CDH18: variants seen among roughly 807,000 people sequenced by gnomAD.
CDH18 encodes the protein cadherin-18.
Under a neutral mutation model 67.9 loss-of-function variants are expected in CDH18, and 31 were observed. The ratio of observed to expected loss-of-function variants is 0.46; its 90% CI spans 0.34 to 0.62. CDH18 has a LOEUF of 0.62. Among genes scored for constraint, CDH18 ranks in the 20% least tolerant of loss-of-function variants. The probability of loss-of-function intolerance (pLI) is 0.01; values close to 1 mark genes in which losing one functional copy is unlikely to be tolerated. For missense variants in CDH18, 890 were observed against 975.5 expected (o/e 0.91, Z 1.17); for synonymous variants, 362 against 347.2 (o/e 1.04, Z -0.48).
intron 4 of CDH18, among the ~76,000 whole-genome samples, chr5:19,736,679 G>A (rs887748089): frequency 6.6e-6 from 1 of 151,986 alleles, no homozygotes; most frequent in African/African-American, 2.4e-5. Flanking sequence ...TATCACATTT[G>A]GTTCTATGTG....
intron 2 of CDH18, among the ~76,000 whole-genome samples, chr5:20,118,083 G>C (rs1275367247): frequency 6.6e-6 from 1 of 152,014 alleles, no homozygotes; most frequent in Admixed American, 6.6e-5. Context: ...CAACTTCTTA[G>C]GAAGAATTAT....
intron 2 of CDH18, among the ~76,000 whole-genome samples, chr5:20,058,143 TG>T (rs1440451292): frequency 2.0e-5 from 3 of 152,124 alleles, no homozygotes; most frequent in African/African-American, 7.2e-5. Context: ...ATTAGTCAAA[TG>T]TCAGAGATTT....
chr5:20,392,040 G>A (rs1744907875), intron 1 of CDH18, among the ~76,000 whole-genome samples: 1 of 151,676 alleles, frequency 6.6e-6, no homozygotes, highest in Non-Finnish European at 1.5e-5. Context: ...AAATTGCAAT[G>A]GCAAAATTTA....
chr5:19,760,087 C>T (rs894184319), intron 3 of CDH18, among the ~76,000 whole-genome samples: 2 of 152,120 alleles, frequency 1.3e-5, no homozygotes, highest in Non-Finnish European at 1.5e-5. Context: ...TGCCACTTTG[C>T]GTCTGCTGTC....
chr5:19,680,656 A>T (rs1211818195), intron 5 of CDH18, among the ~76,000 whole-genome samples: 1 of 152,006 alleles, frequency 6.6e-6, no homozygotes, highest in Non-Finnish European at 1.5e-5. Flanking sequence ...CAACAAGCAT[A>T]TGAAAAAAAT....
intron 1 of CDH18, among the ~76,000 whole-genome samples, chr5:20,417,478 G>A (rs1413690622): frequency 6.6e-6 from 1 of 152,068 alleles, no homozygotes; most frequent in Non-Finnish European, 1.5e-5. Flanking sequence ...ATTTCCAATG[G>A]TCTGTTTCCA....
chr5:19,604,101 C>T (rs1412731006), intron 6 of CDH18, among the ~76,000 whole-genome samples: 2 of 152,016 alleles, frequency 1.3e-5, no homozygotes, highest in African/African-American at 4.8e-5. Context: ...GGAAGGAAGA[C>T]ATGGTGGGAA....
At chr5:19,710,910 A>T (rs932687244) in intron 5 of CDH18, among the ~76,000 whole-genome samples, 1 of 152,102 alleles carries the variant, frequency 6.6e-6, no homozygotes, top group Non-Finnish European at 1.5e-5. Flanking sequence ...AGACACATAG[A>T]TCAAAGAAAT....
chr5:20,499,316 G>A (rs1438025887), intron 1 of CDH18, among the ~76,000 whole-genome samples: 2 of 151,944 alleles, frequency 1.3e-5, no homozygotes, highest in Non-Finnish European at 2.9e-5. Flanking sequence ...CAATGTAAAT[G>A]CTATGGAAAT....
rs1372346442 is a variant in CDH18, at chr5:20,037,450, A to C, written c.-517-45436T>G. On this transcript the variant is annotated intron_variant, in intron 2 of 14. Coordinates refer to the CDH18 transcript ENST00000507958. Reference sequence around the variant, plus strand: ...CACTTATTCTAAAATTGACCACACAATTGGAAGTAAAACACTCCTAAGTAA... The same window carrying C: ...CACTTATTCTAAAATTGACCACACACTTGGAAGTAAAACACTCCTAAGTAA... 2.6e-5 allele frequency among the ~76,000 whole-genome samples: 4 copies of C among 152,188 alleles called. No homozygotes were observed. The East Asian group carries it at 7.7e-4, about 29-fold the overall frequency.
intron 1 of CDH18, among the ~76,000 whole-genome samples, chr5:20,410,733 A>G (rs1481600617): frequency 1.3e-5 from 2 of 151,872 alleles, no homozygotes; most frequent in East Asian, 1.9e-4. Context: ...GGCAAATGCC[A>G]TGATTTTATA....
intron 1 of CDH18, among the ~76,000 whole-genome samples, chr5:20,560,511 A>ACACACC (rs1197460480): frequency 2.3e-4 from 33 of 146,314 alleles, no homozygotes; most frequent in East Asian, 4.0e-4. Flanking sequence ...ACACACACAC[A>ACACACC]CCCCTACATT....
At chr5:20,554,330 C>A (rs951641853) in intron 1 of CDH18, among the ~76,000 whole-genome samples, 1 of 152,170 alleles carries the variant, frequency 6.6e-6, no homozygotes, top group Non-Finnish European at 1.5e-5. Flanking sequence ...AAGTCTTTCA[C>A]ATACTAAAGG....
At chr5:20,304,444 T>C (rs1329631710) in intron 1 of CDH18, 10 of 1,506,642 alleles carry the variant, frequency 6.6e-6, no homozygotes, top group South Asian at 1.1e-5. Flanking sequence ...CTTCTTCATC[T>C]CCACCTTTGC....
intron 2 of CDH18, among the ~76,000 whole-genome samples, chr5:19,930,385 A>G (rs1793553383): frequency 6.6e-6 from 1 of 152,076 alleles, no homozygotes; most frequent in Admixed American, 6.6e-5. Flanking sequence ...GGGCTAAAGA[A>G]AAAGGTGAAA....
chr5:20,139,067 A>C (rs1749999832), intron 2 of CDH18, among the ~76,000 whole-genome samples: 1 of 152,180 alleles, frequency 6.6e-6, no homozygotes, highest in African/African-American at 2.4e-5. Context: ...TTCAAACTAT[A>C]CTACAAGGCT....
intron 2 of CDH18, among the ~76,000 whole-genome samples, chr5:20,139,736 A>G (rs1489853029): frequency 7.9e-5 from 12 of 152,220 alleles, no homozygotes; most frequent in South Asian, 2.1e-4. Context: ...ATCACTGGCC[A>G]TCAGAGAAAT....
chr5:19,989,035 C>G (rs971029849), upstream of CDH18, among the ~76,000 whole-genome samples: 1 of 152,152 alleles, frequency 6.6e-6, no homozygotes, highest in African/African-American at 2.4e-5. Flanking sequence ...TTGCAATGTA[C>G]ATAGCTTTTG....
At chr5:20,199,697 T>C (rs560589618) in intron 2 of CDH18, among the ~76,000 whole-genome samples, 1 of 152,278 alleles carries the variant, frequency 6.6e-6, no homozygotes, top group South Asian at 2.1e-4. Flanking sequence ...GGTTTGGCTG[T>C]TTCCTCACCC....
Sources: allele counts gnomAD v4.1 joint callset (sites outside exome capture counted in the v4.1 genomes callset), GRCh38; gene constraint gnomAD v4.1.1; transcripts MANE v1.5; gene names NCBI Gene and HGNC (gene_info 2026-07-23, HGNC 2026-07-21).